The following NFATC2 variants were observed in gnomAD, a reference collection of about 807,000 sequenced individuals.
NFATC2 encodes the protein nuclear factor of activated T-cells, cytoplasmic 2.
In NFATC2, 22 loss-of-function variants were observed where a neutral mutation model predicts 87.3. That is an observed-to-expected ratio of 0.25 (90% CI 0.18 to 0.36). The LOEUF is 0.36. NFATC2 is among the 10% of genes least tolerant of loss of function. The pLI is 1.00. For synonymous variants in NFATC2, 565 were observed against 542.2 expected (o/e 1.04, Z -0.58); for missense variants, 1,149 against 1,259.1 (o/e 0.91, Z 1.32).
chr20:51,512,301 C>G (rs1479812128), intron 3 of NFATC2, among the ~76,000 whole-genome samples: 1 of 152,216 alleles, frequency 6.6e-6, no homozygotes, highest in Non-Finnish European at 1.5e-5. Flanking sequence ...CACGTCCCAC[C>G]GTGAGTCCAG....
intron 1 of NFATC2, among the ~76,000 whole-genome samples, chr20:51,537,448 C>T (rs956234534): frequency 6.6e-6 from 1 of 152,126 alleles, no homozygotes; most frequent in Non-Finnish European, 1.5e-5. Flanking sequence ...TCAGAAGGAA[C>T]CAGTTTTCCT....
intron 1 of NFATC2, among the ~76,000 whole-genome samples, chr20:51,532,437 G>T (rs2076649177): frequency 6.6e-6 from 1 of 152,160 alleles, no homozygotes; most frequent in Non-Finnish European, 1.5e-5. Context: ...AATCACTCTG[G>T]GGGCCTCATC....
intron 9 of NFATC2, among the ~76,000 whole-genome samples, chr20:51,426,665 A>C (rs1424761221): frequency 6.6e-6 from 1 of 152,178 alleles, no homozygotes. Context: ...TCAGTGATGG[A>C]GCTGACACTC....
At chr20:51,556,072 G>A (rs904568900) in intron 1 of NFATC2, among the ~76,000 whole-genome samples, 6 of 152,270 alleles carry the variant, frequency 3.9e-5, no homozygotes, top group Admixed American at 2.0e-4. Context: ...ACATGCACTC[G>A]GGAAGAAGGT....
chr20:51,547,260 C>T (rs984940480), upstream of NFATC2, among the ~76,000 whole-genome samples: 2 of 152,006 alleles, frequency 1.3e-5, no homozygotes, highest in Admixed American at 6.6e-5. Context: ...CAAGTGGTAG[C>T]CATAGAGATA....
intron 3 of NFATC2, among the ~76,000 whole-genome samples, chr20:51,490,745 G>C (rs981864914): frequency 6.6e-6 from 1 of 152,074 alleles, no homozygotes; most frequent in Admixed American, 6.6e-5. Flanking sequence ...ATTTGAGCCC[G>C]GGAGTTTGAG....
chr20:51,528,521 CACAG>C (rs573820396), intron 1 of NFATC2, among the ~76,000 whole-genome samples: 3 of 152,090 alleles, frequency 2.0e-5, no homozygotes, highest in South Asian at 4.1e-4. Context: ...TATGTACACA[CACAG>C]ACAGATGTAC....
At chr20:51,532,504 G>A (rs184326870) in intron 1 of NFATC2, among the ~76,000 whole-genome samples, 60 of 152,218 alleles carry the variant, frequency 3.9e-4, no homozygotes, top group Non-Finnish European at 7.2e-4. Flanking sequence ...TCCTTTCTTC[G>A]GGAATGTTCA....
intron 1 of NFATC2, among the ~76,000 whole-genome samples, chr20:51,536,909 A>ACACACG (rs2076730669): frequency 6.6e-6 from 1 of 151,996 alleles, no homozygotes; most frequent in Non-Finnish European, 1.5e-5. Context: ...ACACACACAC[A>ACACACG]CACACACACA....
chr20:51,553,555 G>A (rs1038880831), intron 1 of NFATC2, among the ~76,000 whole-genome samples: 2 of 151,720 alleles, frequency 1.3e-5, no homozygotes, highest in African/African-American at 4.8e-5. Flanking sequence ...GGTGCCTGTA[G>A]TTCCAGCTAC....
intron 10 of NFATC2, among the ~76,000 whole-genome samples, chr20:51,396,215 T>A (rs1987117032): frequency 6.6e-6 from 1 of 151,702 alleles, no homozygotes; most frequent in Non-Finnish European, 1.5e-5. Context: ...TCTGTTAGTA[T>A]CCCATTCTGC....
At chr20:51,482,909 G>A (rs573598948) in intron 3 of NFATC2, among the ~76,000 whole-genome samples, 19 of 152,304 alleles carry the variant, frequency 1.2e-4, no homozygotes, top group African/African-American at 4.6e-4. Context: ...GAATCTCAAA[G>A]AACTACATGG....
chr20:51,487,216 G>C (rs900780398), intron 3 of NFATC2, among the ~76,000 whole-genome samples: 2 of 152,234 alleles, frequency 1.3e-5, no homozygotes, highest in African/African-American at 4.8e-5. Flanking sequence ...GGGGAATGCA[G>C]CTTGCAGAAA....
At chr20:51,550,592 AAATAAT>A (rs74175559) in intron 1 of NFATC2, among the ~76,000 whole-genome samples, 32 of 151,562 alleles carry the variant, frequency 2.1e-4, no homozygotes, top group Middle Eastern at 3.2e-3. Flanking sequence ...ACTCCATCTC[AAATAAT>A]AATAATAATA....
chr20:51,392,138 A>C (rs1398480538), intron 10 of NFATC2, among the ~76,000 whole-genome samples: 1 of 152,238 alleles, frequency 6.6e-6, no homozygotes, highest in Admixed American at 6.5e-5. Context: ...TTACATGATT[A>C]AGTCTGATAA....
chr20:51,499,770 AG>A (rs1322633481), intron 3 of NFATC2, among the ~76,000 whole-genome samples: 2 of 150,948 alleles, frequency 1.3e-5, no homozygotes, highest in African/African-American at 5.0e-5. Context: ...AAAGAAAGAA[AG>A]AAAAAGAAAT....
At chr20:51,411,516 C>CTTTTTTTT (rs67935951) in intron 9 of NFATC2, among the ~76,000 whole-genome samples, 33 of 87,252 alleles carry the variant, frequency 3.8e-4, no homozygotes, top group African/African-American at 1.2e-3. Context: ...ATGCAATTGT[C>CTTTTTTTT]TTTTTTTTTT....
chr20:51,521,877 C>T (rs1222589481), intron 2 of NFATC2, among the ~76,000 whole-genome samples: 2 of 152,116 alleles, frequency 1.3e-5, no homozygotes, highest in African/African-American at 2.4e-5. Context: ...GCAATTCATC[C>T]ACTGTATCCA....
At chr20:51,426,582 A>C (rs903884697) in intron 9 of NFATC2, among the ~76,000 whole-genome samples, 1 of 152,178 alleles carries the variant, frequency 6.6e-6, no homozygotes, top group South Asian at 2.1e-4. Flanking sequence ...TGAAGGGAGG[A>C]ACTGTGACTG....
Sources: allele counts gnomAD v4.1 joint callset (sites outside exome capture counted in the v4.1 genomes callset), GRCh38; gene constraint gnomAD v4.1.1; transcripts MANE v1.5; gene names NCBI Gene and HGNC (gene_info 2026-07-23, HGNC 2026-07-21).